GLI2: variants seen among roughly 807,000 people sequenced by gnomAD.
The protein encoded by GLI2 is transcription activator GLI2.
GLI2 carries 22 observed loss-of-function variants against 78.9 expected under a neutral mutation model. That is an observed-to-expected ratio of 0.28 (90% CI 0.20 to 0.40). The LOEUF (loss-of-function observed/expected upper bound fraction) is 0.40. Ranked by LOEUF, GLI2 falls within the 10% of genes least tolerant of loss-of-function variation. The probability of loss-of-function intolerance (pLI) is 1.00; values close to 1 mark genes in which losing one functional copy is unlikely to be tolerated. For missense variants in GLI2, 2,097 were observed against 2,213.2 expected (o/e 0.95, Z 1.05); for synonymous variants, 974 against 963.7 (o/e 1.01, Z -0.20).
intron 5 of GLI2, among the ~76,000 whole-genome samples, chr2:120,961,644 T>G (rs1020166150): frequency 1.3e-5 from 2 of 151,994 alleles, no homozygotes; most frequent in Admixed American, 1.3e-4. Flanking sequence ...ATCAGAGGGG[T>G]GAGAGGGCTG....
intron 4 of GLI2, among the ~76,000 whole-genome samples, chr2:120,954,439 C>G (rs1212646266): frequency 2.0e-5 from 3 of 152,128 alleles, no homozygotes; most frequent in African/African-American, 7.2e-5. Flanking sequence ...ACGGCAGCTT[C>G]CATGGCCTGG....
At chr2:120,980,598 G>A (rs1682674103) in intron 10 of GLI2, among the ~76,000 whole-genome samples, 1 of 151,980 alleles carries the variant, frequency 6.6e-6, no homozygotes, top group Non-Finnish European at 1.5e-5. Flanking sequence ...TCATTTCCTT[G>A]ATACTTTCTT....
At chr2:120,796,805 GATGAACATTTAT>G (rs1328708832) in intron 1 of GLI2, among the ~76,000 whole-genome samples, 4 of 152,246 alleles carry the variant, frequency 2.6e-5, no homozygotes, top group Middle Eastern at 3.2e-3. Flanking sequence ...GTCAATAAAG[GATGAACATTTAT>G]TGAATGAATG....
intron 2 of GLI2, among the ~76,000 whole-genome samples, chr2:120,839,024 C>T (rs1204191220): frequency 6.6e-6 from 1 of 152,168 alleles, no homozygotes; most frequent in Non-Finnish European, 1.5e-5. Context: ...CTGGCAAGGG[C>T]CTTCTTGCTG....
rs1001763810 is a variant in GLI2, at chr2:120,929,003, G to A, written c.254+1537G>A. Among the ~76,000 whole-genome samples, 11 of 152,080 alleles carry A rather than the reference G, an allele frequency of 7.2e-5. 1 individual carries two copies. Among genetic ancestry groups the A allele is most frequent in the Admixed American group, 5.9e-4 (9 of 15,272 alleles). On this transcript the variant is annotated intron_variant, in intron 3 of 13. Coordinates refer to ENST00000361492, the MANE Select transcript of GLI2 (RefSeq NM_001374353.1). Reference sequence around the variant, plus strand: ...ATCCCACGTGGCACTTGGTTGCCGAGACTCCTTCGTCATCTCCTGTCTGGG... The same window carrying A: ...ATCCCACGTGGCACTTGGTTGCCGAAACTCCTTCGTCATCTCCTGTCTGGG...
intron 9 of GLI2, among the ~76,000 whole-genome samples, chr2:120,977,400 C>CT (rs1265124968): frequency 2.0e-5 from 3 of 152,212 alleles, no homozygotes; most frequent in Admixed American, 2.0e-4. Flanking sequence ...ATTGTATATT[C>CT]TTTTTTTTCC....
intron 2 of GLI2, among the ~76,000 whole-genome samples, chr2:120,840,461 T>C (rs1427325228): frequency 2.0e-5 from 3 of 152,226 alleles, no homozygotes; most frequent in African/African-American, 7.2e-5. Flanking sequence ...TGGAGATTTA[T>C]TTGAAGGAAA....
Position 120,975,182 on chromosome 2 carries a change from G to A in GLI2, c.1317+73G>A, listed in dbSNP as rs987340572. On this transcript the variant is annotated intron_variant, in intron 9 of 13. Transcript: ENST00000361492. ...CCATGCAGGATGCTGAGCCTTCCAGGGCCTCTACTAGACAGAAGGGGCTGG... is the reference window on the plus strand; with the variant it reads ...CCATGCAGGATGCTGAGCCTTCCAGAGCCTCTACTAGACAGAAGGGGCTGG... 60 of 1,473,214 alleles carry A rather than the reference G, an allele frequency of 4.1e-5. No homozygotes were observed. In the African/African-American group the frequency reaches 6.2e-4, roughly 15 times the overall value. The allele number at this position is 1,473,214 out of a possible 1,614,324, so 91.3% of individuals were successfully genotyped here.
chr2:120,972,149 G>A, intron 8 of GLI2, 86 bp downstream of exon 8: 1 of 1,484,836 alleles, frequency 6.7e-7, no homozygotes, highest in Non-Finnish European at 9.4e-7. Context: ...GTGGTGAACG[G>A]ATGGCTGGCT....
intron 8 of GLI2, among the ~76,000 whole-genome samples, chr2:120,974,506 A>G: frequency 6.6e-6 from 1 of 152,176 alleles, no homozygotes; most frequent in Admixed American, 6.5e-5. Flanking sequence ...AAATGGCCAC[A>G]TGGGCCCTAA....
Position 120,982,774 on chromosome 2 carries a change from C to T in GLI2, c.1526C>T (p.Ser509Phe). The T allele has an allele frequency of 1.2e-6, 2 of 1,614,022 alleles. No homozygotes were observed. The highest frequency in any genetic ancestry group is 1.7e-6 in the Non-Finnish European group (2 of 1,179,924). ...RLENLKTHLR[S>F]HTGEKPYVCE... ...GAGAACCTGAAGACACACCTGCGGTCCCACACCGGGGAGAAGCCATATGTG... is the reference window on the plus strand; with the variant it reads ...GAGAACCTGAAGACACACCTGCGGTTCCACACCGGGGAGAAGCCATATGTG... The change falls in exon 11 of 14, where the codon TCC becomes TTC. Residue 509 changes from serine (S) to phenylalanine (F), a missense_variant. By Grantham distance (155) the Ser-to-Phe change is radical (BLOSUM62 -2). Coordinates refer to ENST00000361492, the MANE Select transcript of GLI2 (RefSeq NM_001374353.1).
At chr2:120,908,152 G>A (rs1217560590) in intron 2 of GLI2, among the ~76,000 whole-genome samples, 1 of 152,196 alleles carries the variant, frequency 6.6e-6, no homozygotes, top group Non-Finnish European at 1.5e-5. Flanking sequence ...GACTCTTATA[G>A]CAGAGGAGCC....
chr2:120,987,639 A>G (rs1224508851), intron 13 of GLI2, among the ~76,000 whole-genome samples: 1 of 152,062 alleles, frequency 6.6e-6, no homozygotes, highest in Non-Finnish European at 1.5e-5. Context: ...CTTAAACTCC[A>G]TCTCAGGGAC....
At chr2:120,824,658 T>C (rs1181646605) in intron 2 of GLI2, among the ~76,000 whole-genome samples, 1 of 152,184 alleles carries the variant, frequency 6.6e-6, no homozygotes, top group Non-Finnish European at 1.5e-5. Flanking sequence ...AGAGGGCAAG[T>C]CATTTACCCC....
chr2:120,916,961 C>A (rs1311211711), intron 2 of GLI2, among the ~76,000 whole-genome samples: 1 of 152,134 alleles, frequency 6.6e-6, no homozygotes, highest in Non-Finnish European at 1.5e-5. Context: ...TTCTGGGAAG[C>A]CTTTAGGTAC....
intron 1 of GLI2, among the ~76,000 whole-genome samples, chr2:120,764,520 C>A (rs986252557): frequency 3.9e-5 from 6 of 152,128 alleles, no homozygotes; most frequent in African/African-American, 1.4e-4. Context: ...AGTGAGTGTC[C>A]GGGTCACAGC....
At chr2:120,745,220 T>G (rs1682659182) in intron 1 of GLI2, among the ~76,000 whole-genome samples, 3 of 152,194 alleles carry the variant, frequency 2.0e-5, no homozygotes, top group African/African-American at 7.2e-5. Context: ...TGCTGTAGGT[T>G]CTGTCCCAAG....
At chr2:120,816,856 T>C (rs953446345) in intron 2 of GLI2, among the ~76,000 whole-genome samples, 2 of 152,218 alleles carry the variant, frequency 1.3e-5, no homozygotes, top group African/African-American at 4.8e-5. Flanking sequence ...TTTCGCCTAA[T>C]TTGGATGTTC....
chr2:120,790,564 A>C (rs1034940582), intron 1 of GLI2, among the ~76,000 whole-genome samples: 1 of 152,114 alleles, frequency 6.6e-6, no homozygotes, highest in African/African-American at 2.4e-5. Context: ...TTCCCCTCCC[A>C]GTGTGGAATG....
Sources: gnomAD v4.1 joint callset for allele counts (sites outside exome capture counted in the v4.1 genomes callset) on GRCh38, gnomAD v4.1.1 for gene constraint, MANE v1.5 for transcripts, NCBI Gene and HGNC (gene_info 2026-07-23, HGNC 2026-07-21) for gene names.